The following CNTLN variants were observed in gnomAD, a reference collection of about 807,000 sequenced individuals.
The protein encoded by CNTLN is centlein.
In CNTLN, 212 loss-of-function variants were observed where a neutral mutation model predicts 180.0. The observed-to-expected ratio is 1.18, with a 90% CI of 1.05 to 1.32. The LOEUF is 1.32. CNTLN is among the 40% of genes most tolerant of loss of function. The pLI, the probability that CNTLN is intolerant of heterozygous loss-of-function variation, is 0.00. For synonymous variants in CNTLN, 722 were observed against 563.1 expected (o/e 1.28, Z -3.99); for missense variants, 2,095 against 1,610.9 (o/e 1.30, Z -5.14).
the CNTLN span, among the ~76,000 whole-genome samples, chr9:17,527,563 G>C: frequency 6.6e-6 from 1 of 152,118 alleles, no homozygotes; most frequent in Non-Finnish European, 1.5e-5. Flanking sequence ...CTTACTGGTG[G>C]AGTGGGTACT....
chr9:17,345,258 CT>C (rs1413657141), intron 12 of CNTLN, among the ~76,000 whole-genome samples: 2 of 152,144 alleles, frequency 1.3e-5, no homozygotes, highest in Admixed American at 6.5e-5. Context: ...CTTTCATTCT[CT>C]TACCTGTGTC....
chr9:17,473,207 A>T (rs188902439), intron 23 of CNTLN, among the ~76,000 whole-genome samples: 1 of 152,136 alleles, frequency 6.6e-6, no homozygotes, highest in Admixed American at 6.5e-5. Flanking sequence ...AATCCTAATT[A>T]TATAGTTCCC....
intron 2 of CNTLN, among the ~76,000 whole-genome samples, chr9:17,147,203 T>C (rs558458075): frequency 2.0e-4 from 30 of 152,326 alleles, no homozygotes; most frequent in African/African-American, 5.8e-4. Flanking sequence ...ATAGACTTCA[T>C]TGTAGTGAAT....
intron 2 of CNTLN, among the ~76,000 whole-genome samples, chr9:17,161,279 A>G (rs1819660458): frequency 6.6e-6 from 1 of 152,008 alleles, no homozygotes; most frequent in African/African-American, 2.4e-5. Flanking sequence ...TCACTTTATG[A>G]GTTTGTTATA....
intron 6 of CNTLN, among the ~76,000 whole-genome samples, chr9:17,293,661 A>C (rs964361859): frequency 6.6e-6 from 1 of 152,232 alleles, no homozygotes; most frequent in Non-Finnish European, 1.5e-5. Flanking sequence ...CTGGAGCTGC[A>C]GTGATGGCTG....
intron 14 of CNTLN, among the ~76,000 whole-genome samples, chr9:17,389,520 T>C (rs1170003056): frequency 6.6e-6 from 1 of 152,150 alleles, no homozygotes; most frequent in Non-Finnish European, 1.5e-5. Context: ...ACATCCATTT[T>C]AAGACCTGAA....
At chr9:17,357,855 G>T (rs1254130345) in intron 12 of CNTLN, among the ~76,000 whole-genome samples, 1 of 151,420 alleles carries the variant, frequency 6.6e-6, no homozygotes, top group African/African-American at 2.4e-5. Flanking sequence ...AATTTATTTT[G>T]AATGACAGGA....
chr9:17,139,029 A>G (rs538286126), intron 1 of CNTLN, among the ~76,000 whole-genome samples: 7 of 152,312 alleles, frequency 4.6e-5, no homozygotes, highest in South Asian at 2.1e-4. Context: ...TTAATTTTTA[A>G]AAATTATTAT....
Position 17,135,336 on chromosome 9 carries a change from G to T in CNTLN, c.271G>T (p.Gly91Cys). The T allele has an allele frequency of 6.2e-7, 1 of 1,602,476 alleles. No homozygotes were observed. The highest frequency in any genetic ancestry group is 2.3e-5 in the East Asian group (1 of 44,440). ...GCCCATGGGGTCCAGACGGCTAGAG[G>T]GCATCTCGGTAGAGGAGGCGATGGT... Reference protein sequence around the residue: ...SAPMGSRRLEGISVEEAMVTR... With the variant: ...SAPMGSRRLECISVEEAMVTR... Residue 91 changes from glycine (G) to cysteine (C), a missense_variant, in exon 1 of 26, where the codon GGC (glycine) becomes TGC (cysteine). Transcript: ENST00000380647.
At chr9:17,379,539 A>G (rs1300677971) in intron 13 of CNTLN, among the ~76,000 whole-genome samples, 2 of 152,132 alleles carry the variant, frequency 1.3e-5, no homozygotes, top group African/African-American at 2.4e-5. Context: ...AAGCTGGGGT[A>G]ATTAAAGAAC....
chr9:17,209,114 T>A (rs1178751573), intron 2 of CNTLN, among the ~76,000 whole-genome samples: 1 of 152,028 alleles, frequency 6.6e-6, no homozygotes, highest in South Asian at 2.1e-4. Context: ...TTGCTATAGG[T>A]TTGTTTTGTT....
intron 2 of CNTLN, among the ~76,000 whole-genome samples, chr9:17,169,770 A>G (rs368735124): frequency 8.6e-5 from 13 of 151,988 alleles, no homozygotes; most frequent in African/African-American, 2.7e-4. Context: ...ATCTGTGTTT[A>G]TGCCAGTACC....
chr9:17,403,607 C>A (rs1230663841), intron 15 of CNTLN, among the ~76,000 whole-genome samples: 2 of 150,274 alleles, frequency 1.3e-5, no homozygotes, highest in African/African-American at 5.0e-5. Context: ...ATATTTTTAC[C>A]AATATTACCA....
chr9:17,522,119 C>A, the CNTLN span, among the ~76,000 whole-genome samples: 1 of 152,116 alleles, frequency 6.6e-6, no homozygotes, highest in South Asian at 2.1e-4. Context: ...AGTCTCCTGT[C>A]TCCTATGACA....
intron 5 of CNTLN, among the ~76,000 whole-genome samples, chr9:17,266,970 G>T (rs972128994): frequency 1.3e-5 from 2 of 152,120 alleles, no homozygotes; most frequent in African/African-American, 4.8e-5. Flanking sequence ...ACAGCACACT[G>T]ATGGGTCTTG....
intron 13 of CNTLN, among the ~76,000 whole-genome samples, chr9:17,383,471 G>T (rs1172856507): frequency 1.3e-5 from 2 of 151,728 alleles, no homozygotes; most frequent in Non-Finnish European, 2.9e-5. Flanking sequence ...CTGAGATCAC[G>T]CCACTGCATT....
intron 8 of CNTLN, among the ~76,000 whole-genome samples, chr9:17,312,186 T>C (rs1291074016): frequency 6.6e-6 from 1 of 151,738 alleles, no homozygotes; most frequent in Non-Finnish European, 1.5e-5. Context: ...CGTTTAGAAA[T>C]GTTTCTGATT....
At chr9:17,498,373 A>G (rs1279328855) in intron 25 of CNTLN, among the ~76,000 whole-genome samples, 2 of 152,152 alleles carry the variant, frequency 1.3e-5, no homozygotes, top group African/African-American at 4.8e-5. Context: ...TGAGTAATAA[A>G]TTTAAGATTG....
intron 18 of CNTLN, among the ~76,000 whole-genome samples, chr9:17,423,901 C>T (rs1564094401): frequency 6.6e-6 from 1 of 152,062 alleles, no homozygotes; most frequent in Non-Finnish European, 1.5e-5. Context: ...ATGATGTAGG[C>T]AATGCAAGAC....
Sources: gnomAD v4.1 joint callset for allele counts (sites outside exome capture counted in the v4.1 genomes callset) on GRCh38, gnomAD v4.1.1 for gene constraint, MANE v1.5 for transcripts, NCBI Gene and HGNC (gene_info 2026-07-23, HGNC 2026-07-21) for gene names.